The following METTL14 variants were observed in gnomAD, a reference collection of about 807,000 sequenced individuals.
METTL14 encodes the protein N(6)-adenosine-methyltransferase non-catalytic subunit METTL14.
METTL14 carries 32 observed loss-of-function variants against 62.4 expected under a neutral mutation model. The observed-to-expected ratio is 0.51, with a 90% CI of 0.39 to 0.69. METTL14 has a LOEUF of 0.69. Ranked by LOEUF, METTL14 falls within the 30% of genes least tolerant of loss-of-function variation. METTL14 has a pLI of 0.00. For synonymous variants in METTL14, 150 were observed against 180.0 expected (o/e 0.83, Z 1.34); for missense variants, 340 against 551.9 (o/e 0.62, Z 3.85).
At chr4:118,687,478 T>C (rs913290950) in intron 1 of METTL14, among the ~76,000 whole-genome samples, 1 of 152,186 alleles carries the variant, frequency 6.6e-6, no homozygotes, top group African/African-American at 2.4e-5. Context: ...GACTTAACAA[T>C]TGACTTTATG....
intron 7 of METTL14, among the ~76,000 whole-genome samples, chr4:118,698,552 AG>A (rs1724494870): frequency 6.6e-6 from 1 of 151,790 alleles, no homozygotes; most frequent in African/African-American, 2.4e-5. Context: ...ACGCTGAATT[AG>A]GGTAATAGTA....
intron 2 of METTL14, 129 bp from the exon 3 acceptor site, chr4:118,689,241 C>G: frequency 4.1e-6 from 2 of 491,582 alleles, no homozygotes; most frequent in Non-Finnish European, 7.3e-6. Context: ...TTATAAACTG[C>G]GTAGATAGAT....
chr4:118,687,809 G>A, intron 1 of METTL14, 114 bp from the exon 2 acceptor site: 1 of 691,264 alleles, frequency 1.4e-6, no homozygotes, highest in Non-Finnish European at 2.5e-6. Context: ...GTGTGTGTGT[G>A]TGAATTAAGG....
intron 5 of METTL14, among the ~76,000 whole-genome samples, chr4:118,692,704 CAAA>C (rs11336655): frequency 2.6e-5 from 4 of 151,776 alleles, no homozygotes; most frequent in African/African-American, 9.7e-5. Flanking sequence ...ACAATTCACT[CAAA>C]AGAGTTTTTT....
rs1222960422 is a variant in METTL14 at position 118,711,719 on chromosome 4, T to TG, written c.*1417_*1418insG. ...GTACTATCTAGTACAAGACCCCTTT[T>TG]TTTTTGCTGAAATTATGGTATATTT... On this transcript the variant is annotated 3_prime_UTR_variant, in exon 11 of 11. Transcript: ENST00000388822. The TG allele has an allele frequency of 1.3e-5, 2 of 152,158 alleles. No individual in the cohort carries two copies. The highest frequency in any genetic ancestry group is 4.8e-5 in the African/African-American group (2 of 41,434). The allele number at this position is 152,158 out of a possible 1,614,324, so 9.4% of individuals were successfully genotyped here. A position where few individuals can be genotyped will look rare whatever the true frequency, so the allele number is the denominator to read the frequency against.
At chr4:118,690,951 C>T (rs1254927358) in intron 3 of METTL14, among the ~76,000 whole-genome samples, 1 of 152,006 alleles carries the variant, frequency 6.6e-6, no homozygotes, top group Non-Finnish European at 1.5e-5. Flanking sequence ...GTCCAAAAAA[C>T]TTACTTTTGT....
In METTL14 at chr4:118,691,538, C is replaced by A; in HGVS notation, c.250C>A (p.Leu84Ile). ...TAATCTTATGTTTTTCAAGGATGAA[C>A]TAGAAATGCAACAGGATGAAGAAAA... ...EDKMEEYKDE[L>I]EMQQDEENLP... Residue 84 changes from leucine (L) to isoleucine (I), a missense_variant, in exon 4 of 11, where the codon CTA becomes ATA. Coordinates refer to ENST00000388822, the MANE Select transcript of METTL14 (RefSeq NM_020961.4). 6.5e-7 allele frequency: 1 copy of A among 1,542,292 alleles called. No individual in the cohort carries two copies. The highest frequency in any genetic ancestry group is 1.2e-5 in the South Asian group (1 of 81,260).
intron 5 of METTL14, among the ~76,000 whole-genome samples, 158 bp downstream of exon 5, chr4:118,692,226 C>CTTTTTTTTTT (rs11387432): frequency 8.4e-5 from 11 of 131,424 alleles, no homozygotes; most frequent in South Asian, 2.4e-4. Flanking sequence ...CTTTTCTTTT[C>CTTTTTTTTTT]TTTTTTTTTT....
intron 8 of METTL14, among the ~76,000 whole-genome samples, 154 bp downstream of exon 8, chr4:118,700,796 C>T (rs1011948978): frequency 7.2e-5 from 11 of 151,820 alleles, no homozygotes; most frequent in Non-Finnish European, 1.6e-4. Flanking sequence ...CAGAAAAGAA[C>T]GTAAGAAAGG....
In METTL14 at chr4:118,704,045, A is replaced by G. The variant is rs1177412019; in HGVS notation, c.849A>G (p.Arg283=). The G allele has an allele frequency of 6.4e-7, 1 of 1,562,944 alleles. No individual in the cohort carries two copies. Among genetic ancestry groups the G allele is most frequent in the African/African-American group, 1.4e-5 (1 of 72,384 alleles). ...KTLDPKAVFQ[R]TKEHCLMGIK... ...TAGATCCAAAGGCTGTCTTTCAGAGAACAAAGGTATTGCCTTTACTGATTT... is the reference window on the plus strand; with the variant it reads ...TAGATCCAAAGGCTGTCTTTCAGAGGACAAAGGTATTGCCTTTACTGATTT... The change falls in exon 9 of 11, where the codon AGA becomes AGG. Residue 283 remains arginine (R), a synonymous_variant. Transcript: ENST00000388822.
intron 1 of METTL14, chr4:118,686,591 A>T (rs1412554718): frequency 2.2e-6 from 1 of 456,206 alleles, no homozygotes. Flanking sequence ...TTGGAGTCAG[A>T]TTTGTTCCTT....
chr4:118,702,824 C>A (rs905174155), intron 8 of METTL14, among the ~76,000 whole-genome samples: 34 of 150,412 alleles, frequency 2.3e-4, no homozygotes, highest in Non-Finnish European at 4.4e-4. Flanking sequence ...TCTTACATTA[C>A]CCAATAAGCA....
intron 9 of METTL14, among the ~76,000 whole-genome samples, chr4:118,704,461 T>C (rs1490126904): frequency 6.6e-6 from 1 of 152,226 alleles, no homozygotes; most frequent in African/African-American, 2.4e-5. Context: ...TTCTGTTTGT[T>C]GTGACTCTGC....
At chr4:118,694,862 C>T (rs973345103) in intron 6 of METTL14, among the ~76,000 whole-genome samples, 3 of 151,852 alleles carry the variant, frequency 2.0e-5, no homozygotes, top group East Asian at 1.9e-4. Context: ...AGTGTAGTGG[C>T]GCAATCTTGG....
chr4:118,694,104 G>A (rs900825869), intron 5 of METTL14, among the ~76,000 whole-genome samples: 2 of 136,068 alleles, frequency 1.5e-5, no homozygotes, highest in Non-Finnish European at 3.2e-5. Flanking sequence ...AGGGGGAAAA[G>A]AATCACACAA....
chr4:118,702,872 T>C (rs1051988739), intron 8 of METTL14, among the ~76,000 whole-genome samples: 3 of 150,904 alleles, frequency 2.0e-5, no homozygotes, highest in Non-Finnish European at 4.4e-5. Context: ...TATCTTTTTT[T>C]TTTTTTGGTT....
At position 118,693,722 on chromosome 4, in the gene METTL14, T is replaced by G. The variant is rs1047841950; in HGVS notation, c.413-714T>G. Among the ~76,000 whole-genome samples, 16 of 152,176 alleles carry G rather than the reference T, an allele frequency of 1.1e-4. No individual in the cohort carries two copies. In the East Asian group the frequency reaches 3.1e-3, roughly 29 times the overall value. On this transcript the variant is annotated intron_variant, in intron 5 of 10. Coordinates refer to ENST00000388822, the MANE Select transcript of METTL14 (RefSeq NM_020961.4). The stretch of plus-strand genomic sequence containing the variant: ...GGCAAAGAAAACATACTTAGAAAAC[T>G]ATTACAGATTGAGGAAAAGTTGTAC...
Position 118,697,166 on chromosome 4 carries a change from T to C in METTL14, c.504-16T>C. On this transcript the variant is annotated splice_polypyrimidine_tract_variant and intron_variant, in intron 6 of 10. Transcript: ENST00000388822. ...ATTTTTTTAAAAACCTCATTTTTAA[T>C]GCTTTAATCAAATAGGTACTTACAA... The C allele has an allele frequency of 6.4e-7, 1 of 1,560,664 alleles. No individual in the cohort carries two copies. Among genetic ancestry groups the C allele is most frequent in the Non-Finnish European group, 8.6e-7 (1 of 1,161,050 alleles).
At chr4:118,708,550 C>T (rs1724828722) in intron 10 of METTL14, among the ~76,000 whole-genome samples, 1 of 151,994 alleles carries the variant, frequency 6.6e-6, no homozygotes, top group Non-Finnish European at 1.5e-5. Context: ...TTTTTTTCTT[C>T]AACTATTACA....
Sources: allele counts gnomAD v4.1 joint callset (sites outside exome capture counted in the v4.1 genomes callset), GRCh38; gene constraint gnomAD v4.1.1; transcripts MANE v1.5; gene names NCBI Gene and HGNC (gene_info 2026-07-23, HGNC 2026-07-21).